The following ZNF420 variants were observed in gnomAD, a reference collection of about 807,000 sequenced individuals.
ZNF420 encodes the protein ATM and p53-associated KZNF protein.
ZNF420 carries 31 observed loss-of-function variants against 44.7 expected under a neutral mutation model. The ratio of observed to expected loss-of-function variants is 0.69; its 90% CI spans 0.52 to 0.94. The LOEUF (loss-of-function observed/expected upper bound fraction) is 0.94. ZNF420 is among the 40% of genes least tolerant of loss of function. The pLI, the probability that ZNF420 is intolerant of heterozygous loss-of-function variation, is 0.00. For synonymous variants in ZNF420, 245 were observed against 267.4 expected, an observed-to-expected ratio of 0.92 and a Z score of 0.82; for missense variants, 681 against 827.9, an observed-to-expected ratio of 0.82 and a Z score of 2.18.
chr19:37,104,608 T>C (rs1969972213), intron 4 of ZNF420, among the ~76,000 whole-genome samples: 1 of 152,232 alleles, frequency 6.6e-6, no homozygotes, highest in Admixed American at 6.5e-5. Flanking sequence ...ACCAACAGTG[T>C]AAAAGTGTTC....
chr19:37,083,159 C>A (rs1968559874), intron 2 of ZNF420, among the ~76,000 whole-genome samples: 1 of 150,580 alleles, frequency 6.6e-6, no homozygotes, highest in Admixed American at 6.6e-5. Flanking sequence ...ATGCCTGGCC[C>A]CGTTTTTGCT....
Position 37,127,678 on chromosome 19 carries a change from G to T in ZNF420, c.687G>T (p.Gly229=), listed in dbSNP as rs771958845. ...GEKPYKCEEC[G]KAFIRSSQLT... ...AACCATATAAATGTGAAGAATGTGG[G>T]AAAGCCTTTATTCGTAGCTCACAAC... is the stretch of plus-strand genomic sequence containing the variant. Residue 229 remains glycine, a synonymous_variant, in exon 5 of 5, where the codon GGG becomes GGT. Coordinates refer to ENST00000337995, the MANE Select transcript of ZNF420 (RefSeq NM_144689.5). The T allele has an allele frequency of 1.2e-6, 2 of 1,613,824 alleles. No homozygotes were observed. The highest frequency in any genetic ancestry group is 1.7e-4 in the Middle Eastern group (1 of 6,056).
chr19:37,028,580 C>T (rs1967193605), intron 1 of ZNF420, among the ~76,000 whole-genome samples: 1 of 152,142 alleles, frequency 6.6e-6, no homozygotes, highest in African/African-American at 2.4e-5. Context: ...TGTTTATTTG[C>T]CACTTGAAAG....
At chr19:37,067,451 T>C (rs539739233) in intron 1 of ZNF420, among the ~76,000 whole-genome samples, 3 of 152,292 alleles carry the variant, frequency 2.0e-5, no homozygotes, top group Admixed American at 2.0e-4. Context: ...CAGGGCTGGA[T>C]ACAAGGCTAA....
At chr19:37,024,265 G>A (rs1568422092) in intron 1 of ZNF420, among the ~76,000 whole-genome samples, 1 of 152,060 alleles carries the variant, frequency 6.6e-6, no homozygotes, top group Non-Finnish European at 1.5e-5. Context: ...ACTCTGGCAT[G>A]TATTGATTGA....
At chr19:37,067,853 T>C (rs981351780) in intron 1 of ZNF420, among the ~76,000 whole-genome samples, 6 of 152,350 alleles carry the variant, frequency 3.9e-5, no homozygotes, top group African/African-American at 1.4e-4. Flanking sequence ...ATGTTTACAA[T>C]ATAATTTAGC....
At chr19:37,108,849 G>A (rs1441789396) in intron 4 of ZNF420, among the ~76,000 whole-genome samples, 1 of 152,164 alleles carries the variant, frequency 6.6e-6, no homozygotes, top group East Asian at 1.9e-4. Flanking sequence ...AATTGACCTC[G>A]AGGTGCCCAA....
At chr19:37,012,307 AGC>A (rs1184335600) in intron 1 of ZNF420, among the ~76,000 whole-genome samples, 13 of 152,178 alleles carry the variant, frequency 8.5e-5, no homozygotes, top group Non-Finnish European at 1.9e-4. Flanking sequence ...CCAGGAGCGG[AGC>A]GCGAGTCGGC....
At chr19:37,046,968 C>T (rs956084467) in intron 1 of ZNF420, among the ~76,000 whole-genome samples, 1 of 151,408 alleles carries the variant, frequency 6.6e-6, no homozygotes. Context: ...CAATTTTGTG[C>T]ACTTTAGGCC....
intron 1 of ZNF420, among the ~76,000 whole-genome samples, chr19:37,046,224 G>A (rs538148461): frequency 6.6e-6 from 1 of 152,290 alleles, no homozygotes; most frequent in African/African-American, 2.4e-5. Flanking sequence ...AATACAGGAG[G>A]TGAGAGTTTA....
chr19:37,011,644 G>C (rs1182583416), intron 1 of ZNF420, among the ~76,000 whole-genome samples: 1 of 152,156 alleles, frequency 6.6e-6, no homozygotes, highest in Non-Finnish European at 1.5e-5. Flanking sequence ...CCCTCTCCTG[G>C]TTCCCAGGTG....
chr19:37,018,864 C>A (rs1047589836), intron 1 of ZNF420, among the ~76,000 whole-genome samples: 3 of 152,104 alleles, frequency 2.0e-5, no homozygotes, highest in African/African-American at 7.2e-5. Flanking sequence ...GTCACTGTGC[C>A]CAGCCAAAGT....
At chr19:37,057,632 T>A (rs1967784167) in intron 1 of ZNF420, among the ~76,000 whole-genome samples, 1 of 152,136 alleles carries the variant, frequency 6.6e-6, no homozygotes, top group African/African-American at 2.4e-5. Flanking sequence ...GCCTGGGTCA[T>A]GTGGCCGGTT....
chr19:37,049,617 C>T (rs1444892486), intron 1 of ZNF420, among the ~76,000 whole-genome samples: 1 of 152,078 alleles, frequency 6.6e-6, no homozygotes, highest in Non-Finnish European at 1.5e-5. Context: ...TGGATATTAG[C>T]CCTTTGTCAG....
At chr19:37,119,083 T>C (rs1209891260) in intron 4 of ZNF420, among the ~76,000 whole-genome samples, 6 of 152,084 alleles carry the variant, frequency 3.9e-5, no homozygotes, top group Admixed American at 1.3e-4. Flanking sequence ...TTAACAAGGA[T>C]ACCCAGGAAT....
chr19:37,076,025 C>T (rs1968142003), upstream of ZNF420, among the ~76,000 whole-genome samples: 1 of 152,040 alleles, frequency 6.6e-6, no homozygotes, highest in Non-Finnish European at 1.5e-5. Flanking sequence ...GCTTAAAGTA[C>T]CTCTTTGTGA....
At chr19:37,026,567 C>T (rs1224054420) in intron 1 of ZNF420, among the ~76,000 whole-genome samples, 4 of 152,200 alleles carry the variant, frequency 2.6e-5, no homozygotes, top group East Asian at 1.9e-4. Context: ...GATCTGCCCA[C>T]CTCGGCCTCC....
chr19:37,109,092 A>G (rs559547263), intron 4 of ZNF420, among the ~76,000 whole-genome samples: 2 of 152,314 alleles, frequency 1.3e-5, no homozygotes, highest in East Asian at 1.9e-4. Context: ...CTGGTGGTAC[A>G]GTAAGTAAGT....
chr19:37,054,865 A>G (rs1179019835), intron 1 of ZNF420, among the ~76,000 whole-genome samples: 1 of 152,226 alleles, frequency 6.6e-6, no homozygotes, highest in Non-Finnish European at 1.5e-5. Flanking sequence ...CAACACAGAA[A>G]CACAAGATGA....
Sources: allele counts gnomAD v4.1 joint callset (sites outside exome capture counted in the v4.1 genomes callset), GRCh38; gene constraint gnomAD v4.1.1; transcripts MANE v1.5; gene names NCBI Gene and HGNC (gene_info 2026-07-23, HGNC 2026-07-21).